Variants in FN1 observed in about 807,000 individuals in gnomAD.
The protein encoded by FN1 is fibronectin 1, also known as fibronectin.
Under a neutral mutation model 297.3 loss-of-function variants are expected in FN1, and 106 were observed. The observed-to-expected ratio is 0.36, with a 90% CI of 0.30 to 0.42. The LOEUF is 0.42. Among genes scored for constraint, FN1 ranks in the 10% least tolerant of loss-of-function variants. The pLI is 1.00. For missense variants in FN1, 2,690 were observed against 3,124.9 expected, an observed-to-expected ratio of 0.86 and a Z score of 3.32; for synonymous variants, 1,149 against 1,152.6, an observed-to-expected ratio of 1.00 and a Z score of 0.06.
At chr2:215,433,653 A>G (rs2066928718) in intron 2 of FN1, among the ~76,000 whole-genome samples, 192 bp from the exon 3 acceptor site, 1 of 152,250 alleles carries the variant, frequency 6.6e-6, no homozygotes, top group Non-Finnish European at 1.5e-5. Context: ...ACCTTGACAT[A>G]TTGTCAAATT....
chr2:215,381,806 C>T (rs1449041537), intron 32 of FN1: 1 of 317,796 alleles, frequency 3.1e-6, no homozygotes, highest in Non-Finnish European at 6.1e-6. Context: ...CTCTATTAAG[C>T]ATTTATATTA....
chr2:215,429,321 T>C (rs189415329), intron 5 of FN1, among the ~76,000 whole-genome samples: 360 of 152,334 alleles, frequency 2.4e-3, no homozygotes, highest in African/African-American at 8.4e-3. Flanking sequence ...CATAAAATGA[T>C]AATTTGTAAC....
At chr2:215,432,313 C>T (rs2066665739) in intron 3 of FN1, among the ~76,000 whole-genome samples, 1 of 152,158 alleles carries the variant, frequency 6.6e-6, no homozygotes, top group South Asian at 2.1e-4. Context: ...GAGACTAATT[C>T]AGTGAAAAGG....
At chr2:215,401,279 A>AAGGAAAGGAG in intron 20 of FN1, among the ~76,000 whole-genome samples, 1 of 88,590 alleles carries the variant, frequency 1.1e-5, no homozygotes, top group Non-Finnish European at 2.6e-5. Context: ...AAGGAAAGGA[A>AAGGAAAGGAG]AGGAAGAAAA....
chr2:215,408,045 C>T (rs780639525), intron 17 of FN1, 63 bp downstream of exon 17: 62 of 1,275,056 alleles, frequency 4.9e-5, no homozygotes, highest in Non-Finnish European at 5.3e-5. Flanking sequence ...TCAGAATCTG[C>T]GCCCTCCCTG....
chr2:215,384,291 T>C, intron 29 of FN1, 107 bp from the exon 30 acceptor site: 1 of 1,127,204 alleles, frequency 8.9e-7, no homozygotes, highest in Non-Finnish European at 1.3e-6. Context: ...CACATCTTCT[T>C]GCTTATTCCC....
chr2:215,373,343 G>C lies in FN1; in HGVS notation c.6226C>G (p.Leu2076Val). 6.2e-7 allele frequency: 1 copy of C among 1,613,466 alleles called. No homozygotes were observed. The highest frequency in any genetic ancestry group is 8.5e-7 in the Non-Finnish European group (1 of 1,179,578). Residue 2076 changes from leucine (L) to valine (V), a missense_variant, in exon 39 of 46, where the codon CTG (leucine) becomes GTG (valine). Leu to Val is a conservative substitution (Grantham distance 32, BLOSUM62 1). Coordinates refer to ENST00000354785, the MANE Select transcript of FN1 (RefSeq NM_212482.4). ...TTACCTGTCTTTTTCCTTCCAATCAGGGGCTCGCTCTTCTGATTATTCTTC... is the reference window on the plus strand; with the variant it reads ...TTACCTGTCTTTTTCCTTCCAATCACGGGCTCGCTCTTCTGATTATTCTTC... Reference protein sequence around the residue: ...ALKNNQKSEPLIGRKKTDELP... With the variant: ...ALKNNQKSEPVIGRKKTDELP...
intron 15 of FN1, 118 bp from the exon 16 acceptor site, chr2:215,408,544 G>C (rs773712906): frequency 8.3e-6 from 8 of 962,498 alleles, no homozygotes; most frequent in Non-Finnish European, 8.3e-6. Context: ...CGACTAGAAG[G>C]TAATGTGCTA....
chr2:215,401,287 A>AGG, intron 20 of FN1, among the ~76,000 whole-genome samples: 1 of 94,564 alleles, frequency 1.1e-5, no homozygotes, highest in Non-Finnish European at 2.4e-5. Context: ...GAAAGGAAGA[A>AGG]AAGAGAGAGA....
At position 215,386,823 on chromosome 2, in the gene FN1, C is replaced by T. The variant is rs760692030; in HGVS notation, c.4478G>A (p.Arg1493Gln). 7.4e-6 allele frequency: 12 copies of T among 1,613,948 alleles called. No homozygotes were observed. The highest frequency in any genetic ancestry group is 5.5e-5 in the South Asian group (5 of 91,058). ...CCGAGAGTGGGGCACCCGATCTTCTCGAGGTCTCCCACTGAAGTGCTCGGG... is the reference window on the plus strand; with the variant it reads ...CCGAGAGTGGGGCACCCGATCTTCTTGAGGTCTCCCACTGAAGTGCTCGGG... ...HHPEHFSGRP[R>Q]EDRVPHSRNS... is the part of the protein sequence containing the mutation. Residue 1493 changes from arginine (R) to glutamine (Q), a missense_variant, in exon 28 of 46, where the codon CGA (arginine) becomes CAA (glutamine). By Grantham distance (43) the Arg-to-Gln change is conservative. This residue lies in a region of FN1 where 1,743 missense variants were observed against 1,945.2 expected (regional missense o/e 0.90). Transcript: ENST00000354785.
chr2:215,414,869 G>A lies in FN1; in HGVS notation c.1909C>T (p.His637Tyr), dbSNP rs755731519. The A allele has an allele frequency of 3.1e-6, 5 of 1,613,686 alleles. No homozygotes were observed. In the South Asian group the frequency reaches 5.5e-5, roughly 18 times the overall value. The change falls in exon 13 of 46, where the codon CAC (histidine) becomes TAC (tyrosine). Residue 637 changes from histidine (H) to tyrosine (Y), a missense_variant. Physicochemically the swap from His to Tyr is moderately conservative, Grantham distance 83. Transcript: ENST00000354785. ...PIQWNAPQPS[H>Y]ISKYILRWRP... is the part of the protein sequence containing the mutation. ...CACCTGAGAATGTACTTGGAAATGT[G>A]AGATGGCTGTGGTGCATTCCACTGG... is the stretch of plus-strand genomic sequence containing the variant.
intron 12 of FN1, 108 bp downstream of exon 12, chr2:215,419,130 AGGGT>A: frequency 2.4e-6 from 2 of 822,034 alleles, no homozygotes; most frequent in Non-Finnish European, 4.2e-6. Flanking sequence ...ACAAGAGAAA[AGGGT>A]GGGAAAGAGG....
At chr2:215,365,808 T>TA (rs1011319153) in intron 42 of FN1, 178 bp from the exon 43 acceptor site, 2 of 93,926 alleles carry the variant, frequency 2.1e-5, no homozygotes, top group Admixed American at 1.5e-4. Context: ...TACTTTTTAT[T>TA]TTTTTTTTTT....
chr2:215,401,286 AAAAG>A (rs1230966075), intron 20 of FN1, among the ~76,000 whole-genome samples: 5 of 95,094 alleles, frequency 5.3e-5, no homozygotes, highest in South Asian at 4.3e-4. Flanking sequence ...GGAAAGGAAG[AAAAG>A]AGAGAGAGAG....
chr2:215,407,740 G>A (rs1054096204), intron 17 of FN1, among the ~76,000 whole-genome samples: 8 of 152,156 alleles, frequency 5.3e-5, no homozygotes, highest in African/African-American at 1.2e-4. Context: ...ATCACCTAAT[G>A]AGCTAAGACG....
At chr2:215,366,814 AACAT>A (rs752111243) in intron 42 of FN1, among the ~76,000 whole-genome samples, 14 of 149,812 alleles carry the variant, frequency 9.3e-5, no homozygotes, top group Non-Finnish European at 1.9e-4. Flanking sequence ...ACAGGTAATA[AACAT>A]ACAAACTTAA....
At chr2:215,367,286 GA>G (rs770371811) in intron 42 of FN1, among the ~76,000 whole-genome samples, 2 of 152,298 alleles carry the variant, frequency 1.3e-5, no homozygotes, top group South Asian at 4.1e-4. Context: ...ATTAGAATTT[GA>G]AAATCAAACA....
chr2:215,428,158 C>G, intron 6 of FN1, 22 bp downstream of exon 6: 1 of 1,613,468 alleles, frequency 6.2e-7, no homozygotes, highest in African/African-American at 1.3e-5. Flanking sequence ...CATTTCCCGC[C>G]CCTGCTCGTC....
At chr2:215,371,113 C>CA (rs1038000541) in intron 40 of FN1, among the ~76,000 whole-genome samples, 2 of 139,374 alleles carry the variant, frequency 1.4e-5, no homozygotes, top group Non-Finnish European at 3.1e-5. Context: ...ACTAAAAATA[C>CA]AAAAATTAGC....
Sources: allele counts gnomAD v4.1 joint callset (sites outside exome capture counted in the v4.1 genomes callset), GRCh38; gene constraint gnomAD v4.1.1; regional missense constraint gnomAD v4.1.1; transcripts MANE v1.5; gene names NCBI Gene and HGNC (gene_info 2026-07-23, HGNC 2026-07-21).